The following IQCM variants were observed in gnomAD, a reference collection of about 807,000 sequenced individuals.
IQCM encodes the protein IQ motif containing M, also known as IQ domain-containing protein M.
IQCM carries 45 observed loss-of-function variants against 57.6 expected under a neutral mutation model. The ratio of observed to expected loss-of-function variants is 0.78; its 90% CI spans 0.62 to 1.00. The LOEUF is 1.00. IQCM is among the 50% of genes least tolerant of loss of function. The probability of loss-of-function intolerance (pLI) is 0.00; values close to 1 mark genes in which losing one functional copy is unlikely to be tolerated. For synonymous variants in IQCM, 148 were observed against 158.9 expected, an observed-to-expected ratio of 0.93 and a Z score of 0.51; for missense variants, 468 against 511.6, an observed-to-expected ratio of 0.91 and a Z score of 0.82.
intron 8 of IQCM, among the ~76,000 whole-genome samples, chr4:149,599,212 A>T (rs970059694): frequency 2.0e-5 from 3 of 152,200 alleles, no homozygotes; most frequent in African/African-American, 7.2e-5. Context: ...TAGTATATTT[A>T]TTCAATGGGA....
intron 13 of IQCM, among the ~76,000 whole-genome samples, chr4:149,356,059 T>G (rs996911866): frequency 5.9e-5 from 9 of 152,228 alleles, no homozygotes; most frequent in Non-Finnish European, 1.0e-4. Context: ...GAAATCTCTG[T>G]TCATATCCTT....
At chr4:149,616,442 A>C (rs1451781458) in intron 8 of IQCM, among the ~76,000 whole-genome samples, 1 of 152,154 alleles carries the variant, frequency 6.6e-6, no homozygotes, top group Admixed American at 6.6e-5. Flanking sequence ...GGAGAGACGT[A>C]GAGACAATTA....
intron 2 of IQCM, among the ~76,000 whole-genome samples, chr4:149,771,205 C>T (rs771676580): frequency 3.9e-5 from 6 of 151,988 alleles, no homozygotes; most frequent in Non-Finnish European, 5.9e-5. Flanking sequence ...ATATCATTGC[C>T]TGCCAAGAAC....
intron 2 of IQCM, among the ~76,000 whole-genome samples, chr4:149,799,878 A>C (rs1182822031): frequency 6.6e-6 from 1 of 150,674 alleles, no homozygotes; most frequent in Non-Finnish European, 1.5e-5. Context: ...AAAACAAAAA[A>C]AAACCCAGGA....
chr4:149,615,285 A>G (rs1236143132), intron 8 of IQCM, among the ~76,000 whole-genome samples: 6 of 152,172 alleles, frequency 3.9e-5, no homozygotes, highest in Admixed American at 1.3e-4. Flanking sequence ...TCAGACTGCA[A>G]TGTAATATTA....
At chr4:149,660,506 C>A (rs551852790) in intron 7 of IQCM, among the ~76,000 whole-genome samples, 2 of 152,292 alleles carry the variant, frequency 1.3e-5, no homozygotes, top group Admixed American at 6.5e-5. Flanking sequence ...GACTATAAAT[C>A]ATGCTGCTAC....
At chr4:149,400,801 G>C (rs1331378546) in intron 13 of IQCM, among the ~76,000 whole-genome samples, 1 of 151,912 alleles carries the variant, frequency 6.6e-6, no homozygotes, top group Non-Finnish European at 1.5e-5. Context: ...GTGAAGGAAA[G>C]AAGCACTCAA....
intron 13 of IQCM, among the ~76,000 whole-genome samples, chr4:149,397,920 T>G (rs1388752311): frequency 6.6e-6 from 1 of 152,080 alleles, no homozygotes; most frequent in East Asian, 1.9e-4. Context: ...GCAGAGCTTT[T>G]TAGTTTAATG....
chr4:149,526,405 T>C (rs969361340), intron 12 of IQCM, among the ~76,000 whole-genome samples: 3 of 152,148 alleles, frequency 2.0e-5, no homozygotes, highest in South Asian at 4.1e-4. Flanking sequence ...TATGCATATA[T>C]AAGCAAGAAG....
chr4:149,464,111 A>G (rs1579145001), intron 12 of IQCM, among the ~76,000 whole-genome samples: 1 of 152,136 alleles, frequency 6.6e-6, no homozygotes, highest in South Asian at 2.1e-4. Context: ...CTCTTACTGT[A>G]TATGTAATTC....
At chr4:149,749,960 C>T (rs1160392737) in intron 2 of IQCM, among the ~76,000 whole-genome samples, 1 of 152,052 alleles carries the variant, frequency 6.6e-6, no homozygotes, top group Admixed American at 6.6e-5. Context: ...AGTAATAAAA[C>T]TCTATAAAAA....
chr4:149,508,848 A>C (rs1744104653), intron 12 of IQCM, among the ~76,000 whole-genome samples: 1 of 152,156 alleles, frequency 6.6e-6, no homozygotes, highest in Non-Finnish European at 1.5e-5. Flanking sequence ...TTGAATACCC[A>C]CATTGTGGGA....
At chr4:149,367,813 GT>G (rs955089702) in intron 13 of IQCM, among the ~76,000 whole-genome samples, 8 of 152,036 alleles carry the variant, frequency 5.3e-5, no homozygotes, top group Admixed American at 5.2e-4. Context: ...AGCAAAAGAA[GT>G]TATTGCTTTA....
chr4:149,363,282 C>T (rs957147349), intron 13 of IQCM, among the ~76,000 whole-genome samples: 1 of 152,170 alleles, frequency 6.6e-6, no homozygotes, highest in Non-Finnish European at 1.5e-5. Flanking sequence ...ACACCTTCAT[C>T]AGGCTTCCTG....
At chr4:149,535,197 G>C (rs936645588) in intron 12 of IQCM, among the ~76,000 whole-genome samples, 3 of 151,912 alleles carry the variant, frequency 2.0e-5, no homozygotes, top group African/African-American at 7.3e-5. Flanking sequence ...GCAATTTATA[G>C]GACTCTGCAT....
At chr4:149,751,659 T>C (rs899647963) in intron 2 of IQCM, among the ~76,000 whole-genome samples, 1 of 152,226 alleles carries the variant, frequency 6.6e-6, no homozygotes, top group African/African-American at 2.4e-5. Flanking sequence ...AAAACATTTA[T>C]GACAGGTCTA....
At position 149,373,791 on chromosome 4, in the gene IQCM, T is replaced by C. The variant is rs113020999; in HGVS notation, c.1391-21725A>G. ...TCCTCACTTCTGGCCATCTTTTAGA[T>C]CTAGAACACTGAGAAATTTTAAAAA... On this transcript the variant is annotated intron_variant, in intron 13 of 13. Coordinates refer to ENST00000636793, the MANE Select transcript of IQCM (RefSeq NM_001363507.2). Among the ~76,000 whole-genome samples the C allele has an allele frequency of 8.7e-3, 1,331 of 152,196 alleles. 25 individuals are homozygous for C. The highest frequency in any genetic ancestry group is 0.031 in the African/African-American group (1,269 of 41,552).
At chr4:149,391,201 A>G (rs116024214) in intron 13 of IQCM, among the ~76,000 whole-genome samples, 2 of 151,958 alleles carry the variant, frequency 1.3e-5, no homozygotes, top group African/African-American at 2.4e-5. Flanking sequence ...CAGATTTTAC[A>G]TATTGTTGGG....
At chr4:149,742,469 G>C (rs1050206441) in intron 3 of IQCM, among the ~76,000 whole-genome samples, 186 bp downstream of exon 3, 6 of 152,086 alleles carry the variant, frequency 3.9e-5, no homozygotes, top group Non-Finnish European at 7.4e-5. Flanking sequence ...TACCATATGG[G>C]ACAGCACAAT....
Sources: allele counts gnomAD v4.1 joint callset (sites outside exome capture counted in the v4.1 genomes callset), GRCh38; gene constraint gnomAD v4.1.1; transcripts MANE v1.5; gene names NCBI Gene and HGNC (gene_info 2026-07-23, HGNC 2026-07-21).